STARD9: variants seen among roughly 807,000 people sequenced by gnomAD.
STARD9 encodes stAR-related lipid transfer protein 9.
Under a neutral mutation model 399.8 loss-of-function variants are expected in STARD9, and 346 were observed. That is an observed-to-expected ratio of 0.87 (90% CI 0.79 to 0.95). The LOEUF (loss-of-function observed/expected upper bound fraction) is 0.95. STARD9 is among the 40% of genes least tolerant of loss of function. The pLI is 0.00. For synonymous variants in STARD9, 2,203 were observed against 2,143.5 expected (o/e 1.03, Z -0.77); for missense variants, 5,832 against 5,667.5 (o/e 1.03, Z -0.93).
At chr15:42,658,287 A>C (rs994264195) in intron 9 of STARD9, among the ~76,000 whole-genome samples, 7 of 52,636 alleles carry the variant, frequency 1.3e-4, no homozygotes, top group African/African-American at 7.4e-4. Flanking sequence ...TGGGACTTAC[A>C]GGTGTGTGTG....
intron 32 of STARD9, 35 bp from the exon 33 acceptor site, chr15:42,719,438 A>G (rs753559370): frequency 3.2e-5 from 44 of 1,391,998 alleles, no homozygotes; most frequent in Non-Finnish European, 3.8e-5. Context: ...TCTCAAATCT[A>G]TTTGCACCTT....
chr15:42,638,506 A>G (rs2059463672), intron 6 of STARD9, among the ~76,000 whole-genome samples, 194 bp from the exon 7 acceptor site: 1 of 152,146 alleles, frequency 6.6e-6, no homozygotes, highest in Admixed American at 6.5e-5. Context: ...ACTCTGTCTC[A>G]AAAATAAAAA....
chr15:42,681,308 A>C, intron 20 of STARD9, 114 bp from the exon 21 acceptor site: 1 of 1,107,808 alleles, frequency 9.0e-7, no homozygotes, highest in Non-Finnish European at 1.2e-6. Context: ...AGTCCAAAGC[A>C]CTCTCTACCC....
At position 42,692,361 on chromosome 15, in the gene STARD9, G is replaced by A; in HGVS notation, c.10783G>A (p.Gly3595Ser). Residue 3595 changes from glycine (G) to serine (S), a missense_variant, in exon 23 of 33, where the codon GGT (glycine) becomes AGT (serine). Physicochemically the swap from Gly to Ser is moderately conservative, Grantham distance 56. Coordinates refer to ENST00000290607, the MANE Select transcript of STARD9 (RefSeq NM_020759.3). ...AAGGCCTCAGTTCAGGGGCCCTTCTGGTGAAGCAGACTGTCTGAGGAGTAA... is the reference window on the plus strand; with the variant it reads ...AAGGCCTCAGTTCAGGGGCCCTTCTAGTGAAGCAGACTGTCTGAGGAGTAA... The part of the protein sequence containing the change: ...DRRPQFRGPS[G>S]EADCLRSKPP... 1 of 1,537,030 alleles carries A rather than the reference G, an allele frequency of 6.5e-7. No individual in the cohort carries two copies. Among genetic ancestry groups the A allele is most frequent in the African/African-American group, 1.4e-5 (1 of 73,166 alleles).
rs187004039 is a variant in STARD9 at position 42,675,927 on chromosome 15, A to T, written c.1826A>T (p.Asp609Val). The T allele has an allele frequency of 5.5e-5, 85 of 1,536,760 alleles. No individual in the cohort carries two copies. In the East Asian group the frequency reaches 1.5e-3, roughly 28 times the overall value. ...TTGGAGTGGCTGGATTTGGATGGAG[A>T]TCTCGCTGCCTCCCGGCTGGGTCTC... ...GSLEWLDLDGDLAASRLGLSP... is the reference protein window; with the variant it reads ...GSLEWLDLDGVLAASRLGLSP... The change falls in exon 20 of 33, where the codon GAT becomes GTT. Residue 609 changes from aspartate (D) to valine (V), a missense_variant. Asp to Val is a radical substitution (Grantham distance 152). Around this residue, in one of 2 missense-constraint regions of STARD9, gnomAD observed 5,828 missense variants for 5,651.1 expected, o/e 1.03. Transcript: ENST00000290607.
intron 7 of STARD9, among the ~76,000 whole-genome samples, chr15:42,650,357 A>T (rs1418515150): frequency 3.3e-5 from 5 of 152,172 alleles, no homozygotes; most frequent in African/African-American, 1.2e-4. Flanking sequence ...AACAGTTGGG[A>T]AGGCCTTTGG....
At position 42,692,803 on chromosome 15, in the gene STARD9, T is replaced by C; in HGVS notation, c.11225T>C (p.Leu3742Ser). ...GAGGGCAGCCAGACTGACCTCACCT[T>C]ACCCACCCTGTGCCTCCAGACTTCA... ...VDEGSQTDLT[L>S]PTLCLQTSEA... The change falls in exon 23 of 33, where the codon TTA (leucine) becomes TCA (serine). Residue 3742 changes from leucine (L) to serine (S), a missense_variant. Physicochemically the swap from Leu to Ser is moderately radical, Grantham distance 145. Coordinates refer to ENST00000290607, the MANE Select transcript of STARD9 (RefSeq NM_020759.3). 1.3e-6 allele frequency: 2 copies of C among 1,537,182 alleles called. No homozygotes were observed. The highest frequency in any genetic ancestry group is 1.2e-5 in the South Asian group (1 of 84,056).
chr15:42,586,883 C>A (rs1394923060), intron 3 of STARD9, among the ~76,000 whole-genome samples: 1 of 148,328 alleles, frequency 6.7e-6, no homozygotes, highest in Admixed American at 6.8e-5. Flanking sequence ...CGGAGATGAT[C>A]TTGTTCTGTT....
intron 3 of STARD9, among the ~76,000 whole-genome samples, chr15:42,606,350 A>G (rs973496570): frequency 1.3e-5 from 2 of 152,200 alleles, no homozygotes; most frequent in Admixed American, 1.3e-4. Context: ...TGGACTGTTA[A>G]ATCTTGCATT....
In STARD9 at chr15:42,690,410, A is replaced by C; in HGVS notation, c.8832A>C (p.Arg2944Ser). 5.2e-6 allele frequency: 8 copies of C among 1,537,270 alleles called. No homozygotes were observed. Among genetic ancestry groups the C allele is most frequent in the Non-Finnish European group, 6.1e-6 (7 of 1,146,910 alleles). Residue 2944 changes from arginine (R) to serine (S), a missense_variant, in exon 23 of 33, where the codon AGA (arginine) becomes AGC (serine). Coordinates refer to ENST00000290607, the MANE Select transcript of STARD9 (RefSeq NM_020759.3). The stretch of plus-strand genomic sequence containing the variant: ...GCAGCAGGACTCTCAGCCCGTCTAG[A>C]GGGAAAGAGAGCAGAACTCTTCCTT... Reference protein sequence around the residue: ...PEGSRTLSPSRGKESRTLPCR... With the variant: ...PEGSRTLSPSSGKESRTLPCR...
At chr15:42,630,528 T>C (rs994687108) in intron 3 of STARD9, among the ~76,000 whole-genome samples, 1 of 152,154 alleles carries the variant, frequency 6.6e-6, no homozygotes, top group African/African-American at 2.4e-5. Flanking sequence ...GTTCTTTAAA[T>C]GTTTGGTAAA....
At chr15:42,621,481 G>T (rs114982552) in intron 3 of STARD9, among the ~76,000 whole-genome samples, 144 of 152,314 alleles carry the variant, frequency 9.5e-4, no homozygotes, top group African/African-American at 3.4e-3. Flanking sequence ...CTAGAACTAC[G>T]ATAGGTTCAG....
chr15:42,707,325 G>A (rs913429324), intron 26 of STARD9, among the ~76,000 whole-genome samples: 12 of 152,182 alleles, frequency 7.9e-5, no homozygotes, highest in African/African-American at 7.2e-5. Context: ...ATTTGAAGTG[G>A]CAATGAGTTG....
intron 22 of STARD9, 128 bp from the exon 23 acceptor site, chr15:42,683,988 C>T: frequency 2.0e-6 from 2 of 1,025,152 alleles, no homozygotes; most frequent in South Asian, 4.0e-5. Flanking sequence ...CCTTTTATAC[C>T]TGGAGAGCTT....
chr15:42,650,114 C>T (rs946442348), intron 7 of STARD9, among the ~76,000 whole-genome samples: 8 of 152,030 alleles, frequency 5.3e-5, no homozygotes, highest in South Asian at 4.2e-4. Context: ...CCGCCCGCCT[C>T]GGCCTCCCAA....
chr15:42,663,144 A>G, intron 11 of STARD9, 137 bp from the exon 12 acceptor site: 1 of 878,896 alleles, frequency 1.1e-6, no homozygotes, highest in Non-Finnish European at 1.7e-6. Flanking sequence ...CTTTAGGAAT[A>G]CCTAAAATAT....
intron 3 of STARD9, among the ~76,000 whole-genome samples, chr15:42,594,901 C>T (rs1419923601): frequency 1.3e-5 from 2 of 152,126 alleles, no homozygotes; most frequent in Non-Finnish European, 1.5e-5. Flanking sequence ...TGTTGTTATG[C>T]GTTCTCTAAT....
chr15:42,693,994 A>C lies in STARD9; in HGVS notation c.12416A>C (p.His4139Pro), dbSNP rs959094187. 34 of 1,516,248 alleles carry C rather than the reference A, an allele frequency of 2.2e-5. No individual in the cohort carries two copies. The highest frequency in any genetic ancestry group is 4.1e-5 in the African/African-American group (3 of 72,540). The allele number at this position is 1,516,248 out of a possible 1,614,324, so 93.9% of individuals were successfully genotyped here. A position where few individuals can be genotyped will look rare whatever the true frequency, so the allele number is the denominator to read the frequency against. The part of the protein sequence containing the change: ...QHHSLRDLPV[H>P]NKFSNWCGVQ... ...CACAGTCTGAGGGACCTCCCGGTGCATAACAAATTTAGTAACTGGTGTGGG... is the reference window on the plus strand; with the variant it reads ...CACAGTCTGAGGGACCTCCCGGTGCCTAACAAATTTAGTAACTGGTGTGGG... Residue 4139 changes from histidine (H) to proline (P), a missense_variant, in exon 23 of 33, where the codon CAT becomes CCT. By Grantham distance (77) the His-to-Pro change is moderately conservative. Around this residue, in one of 2 missense-constraint regions of STARD9, gnomAD observed 5,828 missense variants for 5,651.1 expected, o/e 1.03. Transcript: ENST00000290607.
Position 42,693,157 on chromosome 15 carries a change from G to C in STARD9, c.11579G>C (p.Ser3860Thr). The C allele has an allele frequency of 6.5e-7, 1 of 1,537,056 alleles. No homozygotes were observed. The highest frequency in any genetic ancestry group is 8.7e-7 in the Non-Finnish European group (1 of 1,146,866). ...TATTGCTTAGTTGTCAGCAGTCCCA[G>C]TCCCAGCTCCCCTCATTCCCCAGGG... ...ESYCLVVSSP[S>T]PSSPHSPGLF... The change falls in exon 23 of 33, where the codon AGT (serine) becomes ACT (threonine). Residue 3860 changes from serine (S) to threonine (T), a missense_variant. Ser to Thr is a moderately conservative substitution (Grantham distance 58). Coordinates refer to ENST00000290607, the MANE Select transcript of STARD9 (RefSeq NM_020759.3).
Sources: gnomAD v4.1 joint callset for allele counts (sites outside exome capture counted in the v4.1 genomes callset) on GRCh38, gnomAD v4.1.1 for gene constraint, gnomAD v4.1.1 regional missense constraint, MANE v1.5 for transcripts, NCBI Gene and HGNC (gene_info 2026-07-23, HGNC 2026-07-21) for gene names.